Variants in RGS6 observed in about 807,000 individuals in gnomAD.
RGS6 encodes regulator of G-protein signaling 6.
Under a neutral mutation model 78.5 loss-of-function variants are expected in RGS6, and 30 were observed. That is an observed-to-expected ratio of 0.38 (90% CI 0.29 to 0.52). The LOEUF (loss-of-function observed/expected upper bound fraction) is 0.52. Ranked by LOEUF, RGS6 falls within the 20% of genes least tolerant of loss-of-function variation. The pLI is 0.85. For synonymous variants in RGS6, 206 were observed against 206.0 expected, an observed-to-expected ratio of 1.00 and a Z score of 0.00; for missense variants, 495 against 609.7, an observed-to-expected ratio of 0.81 and a Z score of 1.98.
intron 14 of RGS6, among the ~76,000 whole-genome samples, chr14:72,516,594 G>A (rs1482599473): frequency 5.3e-5 from 8 of 152,210 alleles, no homozygotes; most frequent in Non-Finnish European, 8.8e-5. Flanking sequence ...GGCCACCTGC[G>A]GAGAGAAGGC....
At chr14:72,321,070 G>A (rs1391567825) in intron 2 of RGS6, among the ~76,000 whole-genome samples, 1 of 151,340 alleles carries the variant, frequency 6.6e-6, no homozygotes, top group African/African-American at 2.4e-5. Flanking sequence ...CCAATGTTTA[G>A]TGCCTATTAA....
At chr14:72,435,183 GA>G (rs1160861489) in intron 3 of RGS6, among the ~76,000 whole-genome samples, 13 of 152,220 alleles carry the variant, frequency 8.5e-5, no homozygotes, top group Non-Finnish European at 1.9e-4. Flanking sequence ...CAGTACTTCT[GA>G]AGTTTTTTAT....
chr14:72,262,437 GTC>G (rs2058329776), intron 2 of RGS6, among the ~76,000 whole-genome samples: 1 of 152,168 alleles, frequency 6.6e-6, no homozygotes, highest in African/African-American at 2.4e-5. Flanking sequence ...AGAGACAGCT[GTC>G]TGGCGTCTCT....
chr14:72,082,662 A>G (rs1268211369), intron 2 of RGS6, among the ~76,000 whole-genome samples: 1 of 152,098 alleles, frequency 6.6e-6, no homozygotes, highest in South Asian at 2.1e-4. Flanking sequence ...TTATATGTCA[A>G]TTATAAATAA....
intron 2 of RGS6, among the ~76,000 whole-genome samples, chr14:72,311,253 G>A (rs1198196680): frequency 1.3e-5 from 2 of 152,156 alleles, no homozygotes; most frequent in Non-Finnish European, 2.9e-5. Flanking sequence ...TGCTGGTTCT[G>A]CCTGTTTCAA....
chr14:72,512,853 C>T (rs1050645302), intron 14 of RGS6, among the ~76,000 whole-genome samples: 2 of 152,226 alleles, frequency 1.3e-5, no homozygotes, highest in African/African-American at 2.4e-5. Flanking sequence ...TAGCACCAAC[C>T]GTGGCACAGG....
chr14:72,320,447 G>A lies in RGS6; in HGVS notation c.85-31648G>A, dbSNP rs182057987. Among the ~76,000 whole-genome samples, 787 of 151,942 alleles carry A rather than the reference G, an allele frequency of 5.2e-3. 1 individual carries two copies. Among genetic ancestry groups the A allele is most frequent in the South Asian group, 0.01 (50 of 4,800 alleles). ...TTAAAAATTAGCTGGGCGTGGTGGC[G>A]GGCACCTGTAGTCCCAGCTACTTGG... On this transcript the variant is annotated intron_variant, in intron 2 of 17. Transcript: ENST00000553525.
chr14:72,487,593 T>C (rs1487960280), intron 12 of RGS6, among the ~76,000 whole-genome samples: 1 of 152,158 alleles, frequency 6.6e-6, no homozygotes, highest in African/African-American at 2.4e-5. Flanking sequence ...GTCAGAGTGA[T>C]GCAGCATGAG....
chr14:72,006,693 C>A (rs552780974), intron 2 of RGS6, among the ~76,000 whole-genome samples: 1 of 152,298 alleles, frequency 6.6e-6, no homozygotes, highest in East Asian at 1.9e-4. Context: ...CAATTCCTGA[C>A]CTTCAGAAAA....
At chr14:72,263,206 T>C (rs138434186) in intron 2 of RGS6, among the ~76,000 whole-genome samples, 4 of 152,274 alleles carry the variant, frequency 2.6e-5, no homozygotes, top group Non-Finnish European at 5.9e-5. Context: ...TATTTGTCCT[T>C]TGTGACTTGT....
the RGS6 span, among the ~76,000 whole-genome samples, chr14:71,893,922 A>T: frequency 2.0e-4 from 30 of 152,156 alleles, no homozygotes; most frequent in Admixed American, 6.5e-5. Flanking sequence ...CAGAGTTGTG[A>T]TCTGAGTAGT....
chr14:72,393,741 A>G (rs1449604023), intron 3 of RGS6, among the ~76,000 whole-genome samples: 3 of 152,210 alleles, frequency 2.0e-5, no homozygotes, highest in Admixed American at 1.3e-4. Flanking sequence ...TCATTCGCCT[A>G]CAGCCTTAAC....
At chr14:72,412,036 G>A (rs538126144) in intron 3 of RGS6, among the ~76,000 whole-genome samples, 2 of 152,006 alleles carry the variant, frequency 1.3e-5, no homozygotes, top group Non-Finnish European at 2.9e-5. Context: ...CTCTTTTTAT[G>A]TGGTGTCTCT....
intron 2 of RGS6, among the ~76,000 whole-genome samples, chr14:72,129,626 A>G (rs1356095021): frequency 1.3e-5 from 2 of 152,162 alleles, no homozygotes; most frequent in Non-Finnish European, 2.9e-5. Flanking sequence ...GCTTGACTAC[A>G]GGGATGTTGG....
Position 72,301,462 on chromosome 14 carries a change from C to T in RGS6, c.85-50633C>T, listed in dbSNP as rs148651446. Among the ~76,000 whole-genome samples, 1,304 of 152,116 alleles carry T rather than the reference C, an allele frequency of 8.6e-3. 21 individuals carry two copies. Among genetic ancestry groups the T allele is most frequent in the African/African-American group, 0.03 (1,237 of 41,468 alleles). On this transcript the variant is annotated intron_variant, in intron 2 of 17. Transcript: ENST00000553525. ...TTGATAGAGTCATGTCTTAGTTTCTCAATGTGGAGAAGCTAAAACTGTGAT... is the reference window on the plus strand; with the variant it reads ...TTGATAGAGTCATGTCTTAGTTTCTTAATGTGGAGAAGCTAAAACTGTGAT...
chr14:72,289,550 G>A (rs1056761296), intron 2 of RGS6, among the ~76,000 whole-genome samples: 2 of 152,098 alleles, frequency 1.3e-5, no homozygotes, highest in Non-Finnish European at 2.9e-5. Flanking sequence ...CATTATTGTT[G>A]AATTACTCAA....
the RGS6 span, among the ~76,000 whole-genome samples, chr14:72,605,962 G>A: frequency 6.6e-6 from 1 of 152,076 alleles, no homozygotes; most frequent in Non-Finnish European, 1.5e-5. Flanking sequence ...TCAAATCGGA[G>A]CTGTGCTGGT....
intron 3 of RGS6, among the ~76,000 whole-genome samples, chr14:72,447,552 T>G (rs2095396107): frequency 6.6e-6 from 1 of 152,178 alleles, no homozygotes; most frequent in Admixed American, 6.5e-5. Context: ...CGCAGATGAC[T>G]GGGTTAGACA....
At chr14:72,247,595 T>G (rs2153834401) in intron 2 of RGS6, among the ~76,000 whole-genome samples, 1 of 152,322 alleles carries the variant, frequency 6.6e-6, no homozygotes, top group Admixed American at 6.5e-5. Context: ...ATTTCTGTGG[T>G]TTGAATGTGT....
Sources: gnomAD v4.1 joint callset for allele counts (sites outside exome capture counted in the v4.1 genomes callset) on GRCh38, gnomAD v4.1.1 for gene constraint, MANE v1.5 for transcripts, NCBI Gene and HGNC (gene_info 2026-07-23, HGNC 2026-07-21) for gene names.